Variants in DLGAP1 observed in about 807,000 individuals in gnomAD.
The protein encoded by DLGAP1 is DLG associated protein 1.
A neutral mutation model predicts 90.8 loss-of-function variants in DLGAP1; 11 were observed. The ratio of observed to expected loss-of-function variants is 0.12; its 90% CI spans 0.08 to 0.20. DLGAP1 has a LOEUF of 0.20. Among genes scored for constraint, DLGAP1 ranks in the 10% least tolerant of loss-of-function variants. The probability of loss-of-function intolerance (pLI) is 1.00; values close to 1 mark genes in which losing one functional copy is unlikely to be tolerated. For missense variants in DLGAP1, 1,050 were observed against 1,333.8 expected (o/e 0.79, Z 3.31); for synonymous variants, 558 against 540.7 (o/e 1.03, Z -0.44).
At chr18:3,580,147 T>C (rs1052751556) in intron 8 of DLGAP1, 4 of 1,198,802 alleles carry the variant, frequency 3.3e-6, no homozygotes, top group South Asian at 1.2e-5. Flanking sequence ...CTGCTAATAA[T>C]GTCTACAAAG....
chr18:4,072,546 T>C (rs1017396386), intron 2 of DLGAP1, among the ~76,000 whole-genome samples: 12 of 151,948 alleles, frequency 7.9e-5, no homozygotes, highest in Non-Finnish European at 1.5e-4. Flanking sequence ...CTTGGCTCAC[T>C]GCAACCTCCA....
In DLGAP1 at chr18:3,939,489, C is replaced by A. The variant is rs182483099; in HGVS notation, c.-72-59349G>T. Among the ~76,000 whole-genome samples the A allele has an allele frequency of 4.0e-3, 577 of 146,044 alleles. 7 individuals carry two copies. Among genetic ancestry groups the A allele is most frequent in the African/African-American group, 0.014 (542 of 39,528 alleles). On this transcript the variant is annotated intron_variant, in intron 3 of 12. Coordinates refer to ENST00000315677, the MANE Select transcript of DLGAP1 (RefSeq NM_004746.4). ...AAACAAACAAAAAACCCCCCAAAAA[C>A]CAAAAAACAAACAAACAAAAAAACA... is the stretch of plus-strand genomic sequence containing the variant.
intron 4 of DLGAP1, among the ~76,000 whole-genome samples, chr18:3,826,271 A>G (rs1482571671): frequency 2.6e-5 from 4 of 152,238 alleles, no homozygotes; most frequent in African/African-American, 9.6e-5. Flanking sequence ...CCCTGAATCT[A>G]AAGTTAAAAA....
intron 5 of DLGAP1, among the ~76,000 whole-genome samples, chr18:3,753,340 C>G (rs1277685414): frequency 3.9e-5 from 6 of 152,138 alleles, no homozygotes; most frequent in Non-Finnish European, 2.9e-5. Flanking sequence ...CCTTTTGGAG[C>G]TCTGTTGAAA....
intron 1 of DLGAP1, among the ~76,000 whole-genome samples, chr18:4,427,790 T>C (rs1239822163): frequency 6.6e-6 from 1 of 152,190 alleles, no homozygotes; most frequent in African/African-American, 2.4e-5. Context: ...ACAAGATAAA[T>C]GTGGTTGCCA....
chr18:3,926,418 AT>A (rs1342300568), intron 3 of DLGAP1, among the ~76,000 whole-genome samples: 15 of 138,492 alleles, frequency 1.1e-4, no homozygotes, highest in African/African-American at 4.1e-4. Context: ...ATATATATAT[AT>A]ATACACACAC....
intron 2 of DLGAP1, among the ~76,000 whole-genome samples, chr18:4,105,876 A>G (rs2075853113): frequency 6.6e-6 from 1 of 151,446 alleles, no homozygotes; most frequent in Non-Finnish European, 1.5e-5. Context: ...TAAAAATACA[A>G]AAAAAATTAG....
intron 1 of DLGAP1, among the ~76,000 whole-genome samples, chr18:4,263,091 G>A (rs1206712914): frequency 2.6e-5 from 4 of 151,960 alleles, no homozygotes; most frequent in Admixed American, 6.6e-5. Flanking sequence ...GTGCCACCAC[G>A]TCCAGCTAAT....
chr18:3,613,281 A>G (rs2057715702), intron 7 of DLGAP1, among the ~76,000 whole-genome samples: 1 of 152,224 alleles, frequency 6.6e-6, no homozygotes, highest in Admixed American at 6.5e-5. Flanking sequence ...CAGGAAAAAA[A>G]AAGTTAGCAT....
chr18:3,884,863 AAAG>A (rs2071269272), intron 3 of DLGAP1, among the ~76,000 whole-genome samples: 1 of 152,236 alleles, frequency 6.6e-6, no homozygotes, highest in Non-Finnish European at 1.5e-5. Context: ...TGATGTGGGA[AAAG>A]AAGGTCATAA....
intron 4 of DLGAP1, among the ~76,000 whole-genome samples, chr18:3,859,334 G>A (rs971812436): frequency 6.6e-6 from 1 of 152,076 alleles, no homozygotes; most frequent in Non-Finnish European, 1.5e-5. Context: ...TTCACACCAA[G>A]TTTAAAAAAA....
At chr18:4,329,840 T>C (rs1360177349) in intron 1 of DLGAP1, among the ~76,000 whole-genome samples, 2 of 152,060 alleles carry the variant, frequency 1.3e-5, no homozygotes, top group Non-Finnish European at 2.9e-5. Context: ...TTCAGTTTTC[T>C]TTTGTTATAA....
intron 8 of DLGAP1, among the ~76,000 whole-genome samples, chr18:3,581,660 C>A (rs56205116): frequency 0.6 from 80,741 of 134,036 alleles, 22,823 homozygotes; most frequent in Non-Finnish European, 0.64. Flanking sequence ...AATCTTCTCA[C>A]CATGAAAAAA....
chr18:4,359,585 C>A (rs2081590577), intron 1 of DLGAP1, among the ~76,000 whole-genome samples: 1 of 152,136 alleles, frequency 6.6e-6, no homozygotes, highest in South Asian at 2.1e-4. Context: ...AATATGTATG[C>A]TTTTCTCTTG....
At chr18:3,966,926 G>C (rs968650914) in intron 3 of DLGAP1, among the ~76,000 whole-genome samples, 1 of 152,168 alleles carries the variant, frequency 6.6e-6, no homozygotes, top group Non-Finnish European at 1.5e-5. Flanking sequence ...ATCAGGAAAA[G>C]AGCTGCTTGG....
Position 4,315,701 on chromosome 18 carries a change from T to C in DLGAP1, c.-267+139305A>G, listed in dbSNP as rs530956188. On this transcript the variant is annotated intron_variant, in intron 1 of 12. Coordinates refer to ENST00000315677, the MANE Select transcript of DLGAP1 (RefSeq NM_004746.4). ...CTAATGAAAGCTAATTCAGCCCAGG[T>C]ATCAGATATTTTAAAGACTGGTAAA... Among the ~76,000 whole-genome samples, 54 of 152,348 alleles carry C rather than the reference T, an allele frequency of 3.5e-4. No individual in the cohort carries two copies. In the South Asian group the frequency reaches 0.011, roughly 31 times the overall value.
rs11664141 is a variant in DLGAP1, at chr18:3,496,492, A to C, written c.*2693T>G. 6.6e-6 allele frequency: 1 copy of C among 152,150 alleles called. No homozygotes were observed. Among genetic ancestry groups the C allele is most frequent in the Non-Finnish European group, 1.5e-5 (1 of 68,030 alleles). The allele number at this position is 152,150 out of a possible 1,614,324, so 9.4% of individuals were successfully genotyped here. A position where few individuals can be genotyped will look rare whatever the true frequency, so the allele number is the denominator to read the frequency against. ...CTCTCTTTACAAAAAGGTTATGTGA[A>C]TTGTATGGAAACATCTGCAAAAAAT... On this transcript the variant is annotated 3_prime_UTR_variant, in exon 13 of 13. Transcript: ENST00000315677.
intron 4 of DLGAP1, among the ~76,000 whole-genome samples, chr18:3,829,369 C>T (rs549568405): frequency 1.4e-5 from 2 of 144,908 alleles, no homozygotes; most frequent in East Asian, 4.1e-4. Flanking sequence ...GGTGCAAACC[C>T]TTAAAGCTTG....
intron 4 of DLGAP1, among the ~76,000 whole-genome samples, chr18:3,840,433 A>T (rs1490750441): frequency 1.3e-5 from 2 of 152,178 alleles, no homozygotes; most frequent in Non-Finnish European, 2.9e-5. Context: ...CACAACCAAG[A>T]GCAAAGCATC....
Sources: gnomAD v4.1 joint callset for allele counts (sites outside exome capture counted in the v4.1 genomes callset) on GRCh38, gnomAD v4.1.1 for gene constraint, MANE v1.5 for transcripts, NCBI Gene and HGNC (gene_info 2026-07-23, HGNC 2026-07-21) for gene names.